The following VTI1A variants were observed in gnomAD, a reference collection of about 807,000 sequenced individuals.
VTI1A encodes vesicle transport through interaction with t-SNAREs homolog 1A.
In VTI1A, 22 loss-of-function variants were observed where a neutral mutation model predicts 34.9. The observed-to-expected ratio is 0.63, with a 90% CI of 0.45 to 0.90. VTI1A has a LOEUF of 0.90. VTI1A is among the 40% of genes least tolerant of loss of function. The probability of loss-of-function intolerance (pLI) is 0.00; values close to 1 mark genes in which losing one functional copy is unlikely to be tolerated. For synonymous variants in VTI1A, 87 were observed against 97.3 expected, an observed-to-expected ratio of 0.89 and a Z score of 0.62; for missense variants, 268 against 275.6, an observed-to-expected ratio of 0.97 and a Z score of 0.20.
At chr10:112,598,406 TTGAC>T (rs1844751822) in intron 5 of VTI1A, among the ~76,000 whole-genome samples, 1 of 152,262 alleles carries the variant, frequency 6.6e-6, no homozygotes, top group South Asian at 2.1e-4. Context: ...TCTTTAGCCT[TTGAC>T]TGACATTTCT....
chr10:112,735,752 A>G (rs1850427798), intron 7 of VTI1A, among the ~76,000 whole-genome samples: 2 of 152,156 alleles, frequency 1.3e-5, no homozygotes, highest in South Asian at 4.1e-4. Flanking sequence ...TTTCGATTAA[A>G]TACCCTGTTC....
chr10:112,510,868 A>G (rs1849584233), intron 3 of VTI1A, among the ~76,000 whole-genome samples: 1 of 152,234 alleles, frequency 6.6e-6, no homozygotes, highest in African/African-American at 2.4e-5. Context: ...CTCATATTTT[A>G]TTGCTAAAAA....
At chr10:112,473,048 C>T (rs1214280036) in intron 3 of VTI1A, among the ~76,000 whole-genome samples, 5 of 148,864 alleles carry the variant, frequency 3.4e-5, no homozygotes, top group African/African-American at 1.2e-4. Context: ...CTCTCCCCTT[C>T]TCCCTTGCAT....
chr10:112,848,635 T>C, the VTI1A span, among the ~76,000 whole-genome samples: 1 of 152,204 alleles, frequency 6.6e-6, no homozygotes, highest in Non-Finnish European at 1.5e-5. Context: ...ATTACCTTAT[T>C]CAAGAAACAA....
chr10:112,808,558 G>C (rs1037571152), intron 7 of VTI1A, among the ~76,000 whole-genome samples: 19 of 149,870 alleles, frequency 1.3e-4, no homozygotes, highest in African/African-American at 4.7e-4. Context: ...CCGGGAGGTG[G>C]AGGTTGCAGT....
chr10:112,802,425 T>C (rs941488331), intron 7 of VTI1A, among the ~76,000 whole-genome samples: 11 of 152,306 alleles, frequency 7.2e-5, no homozygotes, highest in Admixed American at 2.6e-4. Context: ...AGAAGTGGGT[T>C]GAGGCTTCGG....
chr10:112,601,553 AGTC>A (rs1564843974), intron 5 of VTI1A, among the ~76,000 whole-genome samples: 1 of 151,954 alleles, frequency 6.6e-6, no homozygotes, highest in Non-Finnish European at 1.5e-5. Flanking sequence ...TGTGGTATGC[AGTC>A]ACTTTTCTTA....
intron 1 of VTI1A, among the ~76,000 whole-genome samples, chr10:112,456,862 CT>C (rs1847547641): frequency 6.6e-6 from 1 of 152,182 alleles, no homozygotes; most frequent in Non-Finnish European, 1.5e-5. Flanking sequence ...TTAGCAGAGA[CT>C]GTAAGTTCCT....
At chr10:112,695,489 G>A (rs1322132751) in intron 7 of VTI1A, among the ~76,000 whole-genome samples, 1 of 152,280 alleles carries the variant, frequency 6.6e-6, no homozygotes, top group East Asian at 1.9e-4. Context: ...GGGAAGCAGT[G>A]CTAATAACTT....
intron 5 of VTI1A, among the ~76,000 whole-genome samples, chr10:112,553,804 T>G (rs924220617): frequency 6.6e-6 from 1 of 152,196 alleles, no homozygotes; most frequent in Non-Finnish European, 1.5e-5. Context: ...GAAGTACAGT[T>G]CCAACTGAAT....
intron 5 of VTI1A, among the ~76,000 whole-genome samples, chr10:112,580,437 A>C (rs984340072): frequency 1.3e-5 from 2 of 152,168 alleles, no homozygotes; most frequent in Non-Finnish European, 2.9e-5. Context: ...ACTCAGCAGG[A>C]GCGGGATTGG....
intron 5 of VTI1A, among the ~76,000 whole-genome samples, chr10:112,594,289 T>C (rs2134444664): frequency 6.6e-6 from 1 of 152,234 alleles, no homozygotes; most frequent in South Asian, 2.1e-4. Flanking sequence ...ACCCCGGAAG[T>C]TTTAATATGG....
chr10:112,497,186 C>T (rs1849057569), intron 3 of VTI1A, among the ~76,000 whole-genome samples: 1 of 151,928 alleles, frequency 6.6e-6, no homozygotes, highest in African/African-American at 2.4e-5. Context: ...GGCGTGGTGG[C>T]AAGCACCTGT....
At chr10:112,630,299 C>A (rs1846081037) in intron 5 of VTI1A, among the ~76,000 whole-genome samples, 1 of 152,174 alleles carries the variant, frequency 6.6e-6, no homozygotes, top group South Asian at 2.1e-4. Flanking sequence ...TTTCCTGGAG[C>A]CAAATGTGTC....
intron 7 of VTI1A, among the ~76,000 whole-genome samples, chr10:112,742,923 A>T (rs1850744042): frequency 6.6e-6 from 1 of 152,126 alleles, no homozygotes; most frequent in African/African-American, 2.4e-5. Context: ...TAGATTTATA[A>T]GCCAGGCACC....
chr10:112,455,662 CCTCCCTT>C, intron 1 of VTI1A, among the ~76,000 whole-genome samples: 1 of 109,912 alleles, frequency 9.1e-6, no homozygotes, highest in Non-Finnish European at 1.8e-5. Flanking sequence ...TCCCTCCCTT[CCTCCCTT>C]CCTTCCTTCC....
intron 5 of VTI1A, among the ~76,000 whole-genome samples, chr10:112,643,163 T>TC (rs1046749119): frequency 1.0e-5 from 1 of 96,904 alleles, no homozygotes; most frequent in Non-Finnish European, 2.6e-5. Context: ...TTTTTTTTTT[T>TC]CTTTTTTTTT....
chr10:112,597,693 C>CGTT (rs1844713422), intron 5 of VTI1A, among the ~76,000 whole-genome samples: 1 of 90,638 alleles, frequency 1.1e-5, no homozygotes, highest in Non-Finnish European at 2.0e-5. Context: ...GACCTTGTCT[C>CGTT]TTTTTTTTTT....
chr10:112,737,493 G>C, intron 7 of VTI1A: 13 of 1,050,878 alleles, frequency 1.2e-5, no homozygotes, highest in Non-Finnish European at 1.5e-5. Flanking sequence ...CGCATCTTCT[G>C]TTCCCTGGGA....
Sources: allele counts gnomAD v4.1 joint callset (sites outside exome capture counted in the v4.1 genomes callset), GRCh38; gene constraint gnomAD v4.1.1; transcripts MANE v1.5; gene names NCBI Gene and HGNC (gene_info 2026-07-23, HGNC 2026-07-21).